CMPK2: variants seen among roughly 807,000 people sequenced by gnomAD.
CMPK2 encodes the protein UMP-CMP kinase 2, mitochondrial.
In CMPK2, 32 loss-of-function variants were observed where a neutral mutation model predicts 33.4. That is an observed-to-expected ratio of 0.96 (90% confidence interval 0.72 to 1.29). The LOEUF (loss-of-function observed/expected upper bound fraction) is 1.29, where lower values mean the gene tolerates loss of function less well. CMPK2 is among the 50% of genes most tolerant of loss of function. The pLI, the probability that CMPK2 is intolerant of heterozygous loss-of-function variation, is 0.00. For missense variants in CMPK2, 672 were observed against 616.0 expected (o/e 1.09, Z -0.96); for synonymous variants, 299 against 275.3 (o/e 1.09, Z -0.85).
At chr2:6,864,838 T>C (rs1663006510) in intron 1 of CMPK2, among the ~76,000 whole-genome samples, 184 bp downstream of exon 1, 1 of 152,238 alleles carries the variant, frequency 6.6e-6, no homozygotes, top group South Asian at 2.1e-4. Context: ...TGGAAGATCC[T>C]TGCAAACAAG....
chr2:6,859,079 C>G (rs1042338619), intron 3 of CMPK2, among the ~76,000 whole-genome samples: 20 of 152,218 alleles, frequency 1.3e-4, no homozygotes, highest in African/African-American at 4.1e-4. Flanking sequence ...TATGCTTTAG[C>G]AAAGAGACTG....
rs774445534 is a variant in CMPK2, at chr2:6,851,658, C to T, written c.1018G>A (p.Ala340Thr). 2.5e-6 allele frequency: 4 copies of T among 1,614,028 alleles called. No homozygotes were observed. Among genetic ancestry groups the T allele is most frequent in the Admixed American group, 1.7e-5 (1 of 59,998 alleles). ...CCCCCACTCACCTCAGTGGCTATGG[C>T]ATAGGTGGCCGTGCTGTGCCAGTAC... ...DRYWHSTATY[A>T]IATEVSGGLQ... Residue 340 changes from alanine to threonine, a missense_variant, in exon 4 of 5, where the codon GCC becomes ACC. Ala to Thr is a moderately conservative substitution (Grantham distance 58, BLOSUM62 0). Coordinates refer to ENST00000256722, the MANE Select transcript of CMPK2 (RefSeq NM_207315.4).
rs1663061775 is a variant in CMPK2 at position 6,865,745 on chromosome 2, G to C, written c.-49C>G. On this transcript the variant is annotated 5_prime_UTR_variant, in exon 1 of 5. Transcript: ENST00000256722. ...CGGCCCCGCCTCGGAAACGAAACCT[G>C]GCGGGAGCCAGGCGCCGGCGGGAAA... 1 of 1,276,516 alleles carries C rather than the reference G, an allele frequency of 7.8e-7. No homozygotes were observed. Among genetic ancestry groups the C allele is most frequent in the Admixed American group, 4.3e-5 (1 of 23,176 alleles). The allele number at this position is 1,276,516 out of a possible 1,614,324, so 79.1% of individuals were successfully genotyped here.
In CMPK2 at chr2:6,848,802, C is replaced by A; in HGVS notation, c.*1048G>T. The A allele has an allele frequency of 1.0e-6, 1 of 985,802 alleles. No homozygotes were observed. The highest frequency in any genetic ancestry group is 1.2e-6 in the Non-Finnish European group (1 of 829,892). 61.1% of individuals were successfully genotyped at this position (985,802 alleles called of 1,614,324 possible). On this transcript the variant is annotated 3_prime_UTR_variant, in exon 5 of 5. Transcript: ENST00000256722. The stretch of plus-strand genomic sequence containing the variant: ...TTCCCCCTCACTCAGCTACTTTTTT[C>A]TGTCTAAAGATATGTCAAAGCGATT...
At chr2:6,859,350 C>T (rs1369520521) in intron 3 of CMPK2, among the ~76,000 whole-genome samples, 1 of 152,160 alleles carries the variant, frequency 6.6e-6, no homozygotes, top group Non-Finnish European at 1.5e-5. Context: ...CAATGAGAAG[C>T]CAAATGTTAA....
chr2:6,844,992 C>A (rs138509490), downstream of CMPK2, among the ~76,000 whole-genome samples: 217 of 152,250 alleles, frequency 1.4e-3, 1 homozygote, highest in African/African-American at 5.1e-3. Flanking sequence ...TTTGAGGATT[C>A]CCCAAAGGGT....
chr2:6,865,912 G>C (rs1223382278), upstream of CMPK2: 1 of 1,407,578 alleles, frequency 7.1e-7, no homozygotes, highest in Admixed American at 2.7e-5. Flanking sequence ...AGATGTGCGC[G>C]ATAAACGGCC....
chr2:6,855,314 TCTG>T (rs1031073589), intron 3 of CMPK2, among the ~76,000 whole-genome samples: 1 of 48,140 alleles, frequency 2.1e-5, no homozygotes, highest in African/African-American at 3.7e-5. Flanking sequence ...CTCTCTCGCC[TCTG>T]CCTCTGCCCC....
intron 3 of CMPK2, among the ~76,000 whole-genome samples, chr2:6,855,320 T>C (rs78975901): frequency 0.037 from 3,451 of 92,036 alleles, 128 homozygotes; most frequent in African/African-American, 0.088. Flanking sequence ...CGCCTCTGCC[T>C]CTGCCCCTGC....
At chr2:6,846,110 C>T (rs906932917), downstream of CMPK2, among the ~76,000 whole-genome samples, 1 of 152,164 alleles carries the variant, frequency 6.6e-6, no homozygotes, top group African/African-American at 2.4e-5. Context: ...CACTAGGTGG[C>T]ATTGTAGGGT....
intron 3 of CMPK2, among the ~76,000 whole-genome samples, chr2:6,841,902 T>G (rs1375669963): frequency 6.6e-6 from 1 of 152,194 alleles, no homozygotes; most frequent in Non-Finnish European, 1.5e-5. Context: ...GGGAGTGTCT[T>G]TCTTTCCAAA....
chr2:6,847,719 T>C (rs550286402), downstream of CMPK2, among the ~76,000 whole-genome samples: 2 of 152,322 alleles, frequency 1.3e-5, no homozygotes, highest in South Asian at 4.1e-4. Flanking sequence ...ATACAGCCGA[T>C]ATGAAGAGTT....
At chr2:6,866,001 TC>T (rs1663077775), upstream of CMPK2, 1 of 655,464 alleles carries the variant, frequency 1.5e-6, no homozygotes, top group Admixed American at 5.1e-5. Flanking sequence ...AGGCGCCGGC[TC>T]CCGGGGCTGA....
downstream of CMPK2, among the ~76,000 whole-genome samples, chr2:6,848,104 T>C (rs1038454243): frequency 5.3e-5 from 8 of 152,238 alleles, no homozygotes; most frequent in Non-Finnish European, 8.8e-5. Context: ...ACAAAATGTC[T>C]TTAATATTTG....
chr2:6,852,249 G>C (rs1445302737), intron 3 of CMPK2, among the ~76,000 whole-genome samples: 2 of 152,206 alleles, frequency 1.3e-5, no homozygotes, highest in Non-Finnish European at 2.9e-5. Flanking sequence ...CTCCATGAAA[G>C]TCCTCCCTAA....
At position 6,849,110 on chromosome 2, in the gene CMPK2, GA is replaced by G. The variant is rs1226599784; in HGVS notation, c.*739del. 1.9e-5 allele frequency: 19 copies of G among 983,538 alleles called. No homozygotes were observed. The highest frequency in any genetic ancestry group is 5.2e-4 in the Middle Eastern group (1 of 1,930). The allele number at this position is 983,538 out of a possible 1,614,324, so 60.9% of individuals were successfully genotyped here. ...GCATTCTATTCAGAGCCATACTTTAGAAAAAAAGAAAAGAAATATAAATAAG... is the reference window on the plus strand; with the variant it reads ...GCATTCTATTCAGAGCCATACTTTAGAAAAAAGAAAAGAAATATAAATAAG... On this transcript the variant is annotated 3_prime_UTR_variant, in exon 5 of 5. Coordinates refer to ENST00000256722, the MANE Select transcript of CMPK2 (RefSeq NM_207315.4).
At chr2:6,844,840 G>T (rs1416762572), downstream of CMPK2, among the ~76,000 whole-genome samples, 4 of 152,118 alleles carry the variant, frequency 2.6e-5, no homozygotes. Flanking sequence ...TTAAATTTTG[G>T]AAAGACTCTA....
chr2:6,849,325 G>A lies in CMPK2; in HGVS notation c.*525C>T, dbSNP rs2103217247. 1 of 985,872 alleles carries A rather than the reference G, an allele frequency of 1.0e-6. No individual in the cohort carries two copies. Among genetic ancestry groups the A allele is most frequent in the Non-Finnish European group, 1.2e-6 (1 of 830,334 alleles). 61.1% of individuals were successfully genotyped at this position (985,872 alleles called of 1,614,324 possible). ...TGTCCTTGGGCAGCCAGGACACATA[G>A]ACAGCCTCTGCAGGAACACTTGGCT... On this transcript the variant is annotated 3_prime_UTR_variant, in exon 5 of 5. Transcript: ENST00000256722.
chr2:6,863,453 T>C lies in CMPK2; in HGVS notation c.790+11A>G, dbSNP rs377336914. On this transcript the variant is annotated intron_variant, in intron 2 of 4. Transcript: ENST00000256722. Reference sequence around the variant, plus strand: ...GTCATTGCCTATAACTAAAAGGTAATATTATCTTACCCGTGGCATCCAGTC... The same window carrying C: ...GTCATTGCCTATAACTAAAAGGTAACATTATCTTACCCGTGGCATCCAGTC... 8.1e-6 allele frequency: 13 copies of C among 1,599,922 alleles called. No homozygotes were observed. In the African/African-American group the frequency reaches 1.6e-4, roughly 20 times the overall value.
Sources: allele counts gnomAD v4.1 joint callset (sites outside exome capture counted in the v4.1 genomes callset), GRCh38; gene constraint gnomAD v4.1.1; transcripts MANE v1.5; gene names NCBI Gene and HGNC (gene_info 2026-07-23, HGNC 2026-07-21).